Variants in PDZD7 observed in about 807,000 individuals in gnomAD.
PDZD7 encodes PDZ domain containing 7.
In PDZD7, 72 loss-of-function variants were observed where a neutral mutation model predicts 84.7. The ratio of observed to expected loss-of-function variants is 0.85; its 90% CI spans 0.70 to 1.03. The LOEUF is 1.03. Among genes scored for constraint, PDZD7 ranks in the 50% least tolerant of loss-of-function variants. PDZD7 has a pLI of 0.00. For synonymous variants in PDZD7, 594 were observed against 580.7 expected, an observed-to-expected ratio of 1.02 and a Z score of -0.33; for missense variants, 1,490 against 1,412.9, an observed-to-expected ratio of 1.05 and a Z score of -0.87.
At chr10:101,026,027 C>T (rs1027743122) in intron 2 of PDZD7, among the ~76,000 whole-genome samples, 8 of 152,176 alleles carry the variant, frequency 5.3e-5, no homozygotes, top group Non-Finnish European at 8.8e-5. Context: ...GGAAAGAAAC[C>T]CCAGACCACA....
Position 101,007,781 on chromosome 10 carries a change from AT to A in PDZD7, c.*685del. On this transcript the variant is annotated 3_prime_UTR_variant, in exon 17 of 17. Coordinates refer to ENST00000619208, the MANE Select transcript of PDZD7 (RefSeq NM_001195263.2). ...CACTTGTATATTTTTCACACTGTAA[AT>A]TTCTTGTACAAACCCAAAGAAAAAA... is the stretch of plus-strand genomic sequence containing the variant. The A allele has an allele frequency of 2.1e-6, 1 of 468,322 alleles. No homozygotes were observed. The highest frequency in any genetic ancestry group is 2.8e-6 in the Non-Finnish European group (1 of 354,000). 29.0% of individuals were successfully genotyped at this position (468,322 alleles called of 1,614,324 possible).
chr10:101,015,829 T>C lies in PDZD7; in HGVS notation c.1574-18A>G, dbSNP rs1003473909. The C allele has an allele frequency of 3.2e-6, 5 of 1,540,922 alleles. No homozygotes were observed. In the East Asian group the frequency reaches 1.2e-4, roughly 38 times the overall value. On this transcript the variant is annotated intron_variant, in intron 10 of 16. Coordinates refer to ENST00000619208, the MANE Select transcript of PDZD7 (RefSeq NM_001195263.2). ...CTCCTGGTCTGCAGGGCAGGAACCA[T>C]CAGGGGAGGGGAGAGGGGCTTCCCT...
intron 7 of PDZD7, 67 bp downstream of exon 7, chr10:101,020,551 G>A (rs930076814): frequency 8.2e-6 from 12 of 1,458,876 alleles, no homozygotes; most frequent in Middle Eastern, 1.8e-4. Context: ...TTCTTCTTCA[G>A]AGAGCCGGGC....
intron 2 of PDZD7, among the ~76,000 whole-genome samples, chr10:101,024,517 A>G (rs1937597223): frequency 6.6e-6 from 1 of 152,164 alleles, no homozygotes; most frequent in Non-Finnish European, 1.5e-5. Context: ...TGTTGGGATT[A>G]TAGGTATGAG....
chr10:101,024,894 T>A (rs1441556702), intron 2 of PDZD7, among the ~76,000 whole-genome samples: 1 of 151,622 alleles, frequency 6.6e-6, no homozygotes, highest in East Asian at 1.9e-4. Flanking sequence ...CACATGCCCA[T>A]GGGCCTGGGG....
chr10:101,022,632 T>A (rs953897250), intron 4 of PDZD7, among the ~76,000 whole-genome samples: 6 of 151,604 alleles, frequency 4.0e-5, no homozygotes, highest in Non-Finnish European at 8.8e-5. Context: ...TCTTGCTCTG[T>A]CCACCCATGC....
chr10:101,025,395 A>C (rs770542703), intron 2 of PDZD7, among the ~76,000 whole-genome samples: 89 of 151,222 alleles, frequency 5.9e-4, no homozygotes, highest in Non-Finnish European at 1.1e-3. Context: ...TTTTTAGTAG[A>C]GATGGAGTTT....
intron 14 of PDZD7, chr10:101,011,271 C>T (rs1245316670): frequency 2.6e-6 from 1 of 382,970 alleles, no homozygotes; most frequent in Admixed American, 4.7e-5. Context: ...CTACTCCTCA[C>T]CTCAAGCGAT....
In PDZD7 at chr10:101,025,617, A is replaced by G. The variant is rs931865601; in HGVS notation, c.227-1549T>C. Among the ~76,000 whole-genome samples the G allele has an allele frequency of 2.7e-5, 4 of 148,970 alleles. No homozygotes were observed. In the East Asian group the frequency reaches 8.0e-4, roughly 30 times the overall value. ...GGCTGGACTGCAGTGGTGCGATCTC[A>G]GCTCACTGCAAGCTCCACCTCCCAG... is the stretch of plus-strand genomic sequence containing the variant. On this transcript the variant is annotated intron_variant, in intron 2 of 16. Transcript: ENST00000619208.
At chr10:101,011,149 T>A (rs907675681) in intron 14 of PDZD7, 2 of 1,027,416 alleles carry the variant, frequency 1.9e-6, no homozygotes, top group Non-Finnish European at 2.6e-6. Context: ...CAAGCGAGTC[T>A]CCTGCCTCAG....
chr10:101,011,455 T>G, intron 14 of PDZD7: 28 of 1,238,134 alleles, frequency 2.3e-5, no homozygotes, highest in Non-Finnish European at 2.9e-5. Context: ...CTGCATAGAA[T>G]GAGACTAGAT....
At chr10:101,011,128 C>A (rs559477939) in intron 14 of PDZD7, 2 of 1,230,430 alleles carry the variant, frequency 1.6e-6, no homozygotes, top group African/African-American at 3.1e-5. Context: ...GCAACCTCCA[C>A]CTCCCAGGTT....
At chr10:101,022,414 G>A in intron 4 of PDZD7, 29 bp from the exon 5 acceptor site, 1 of 1,612,996 alleles carries the variant, frequency 6.2e-7, no homozygotes. Context: ...CCCTCAGGTG[G>A]GGTCCTCCAT....
chr10:101,022,170 TCA>T, intron 5 of PDZD7, 37 bp downstream of exon 5: 1 of 1,612,248 alleles, frequency 6.2e-7, no homozygotes, highest in Non-Finnish European at 8.5e-7. Context: ...GACCCCATTC[TCA>T]GTTCTACCCG....
At chr10:101,015,464 ATGTGTGTGTGTGTG>A (rs10579208) in intron 11 of PDZD7, among the ~76,000 whole-genome samples, 158 bp downstream of exon 11, 1 of 149,680 alleles carries the variant, frequency 6.7e-6, no homozygotes, top group African/African-American at 2.5e-5. Context: ...GAGCTGGCAG[ATGTGTGTGTGTGTG>A]TGTGTGTGTG....
chr10:101,021,025 T>A (rs1470384162), intron 6 of PDZD7, among the ~76,000 whole-genome samples: 1 of 152,212 alleles, frequency 6.6e-6, no homozygotes, highest in Non-Finnish European at 1.5e-5. Context: ...TCTGTCCTGT[T>A]CACTGTTGCA....
intron 2 of PDZD7, among the ~76,000 whole-genome samples, chr10:101,024,525 G>A (rs934923821): frequency 3.3e-5 from 5 of 152,174 alleles, no homozygotes; most frequent in African/African-American, 1.2e-4. Context: ...TTATAGGTAT[G>A]AGCCGCATAT....
chr10:101,020,525 AC>A, intron 7 of PDZD7, 92 bp downstream of exon 7: 1 of 1,243,674 alleles, frequency 8.0e-7, no homozygotes, highest in Non-Finnish European at 1.2e-6. Context: ...GGTGTAAGCC[AC>A]CAAGCCTGGC....
intron 2 of PDZD7, 35 bp downstream of exon 2, chr10:101,029,959 C>A: frequency 1.4e-5 from 21 of 1,506,328 alleles, no homozygotes; most frequent in South Asian, 2.3e-5. Flanking sequence ...CCCCACCCTC[C>A]CCAACCCAGG....
Sources: allele counts gnomAD v4.1 joint callset (sites outside exome capture counted in the v4.1 genomes callset), GRCh38; gene constraint gnomAD v4.1.1; transcripts MANE v1.5; gene names NCBI Gene and HGNC (gene_info 2026-07-23, HGNC 2026-07-21).